The following ITPRID2 variants were observed in gnomAD, a reference collection of about 807,000 sequenced individuals.
ITPRID2 encodes ITPR interacting domain containing 2, also known as protein ITPRID2.
ITPRID2 carries 60 observed loss-of-function variants against 124.3 expected under a neutral mutation model. The observed-to-expected ratio is 0.48, with a 90% CI of 0.39 to 0.60. The LOEUF is 0.60. Ranked by LOEUF, ITPRID2 falls within the 20% of genes least tolerant of loss-of-function variation. The pLI is 0.00. For synonymous variants in ITPRID2, 521 were observed against 542.9 expected (o/e 0.96, Z 0.56); for missense variants, 1,553 against 1,512.2 (o/e 1.03, Z -0.45).
intron 8 of ITPRID2, among the ~76,000 whole-genome samples, chr2:181,906,775 A>T (rs949576525): frequency 6.6e-6 from 1 of 152,162 alleles, no homozygotes; most frequent in South Asian, 2.1e-4. Flanking sequence ...ACGGATATTT[A>T]TCGCAGATAA....
intron 2 of ITPRID2, chr2:181,893,036 AT>A: frequency 1.1e-5 from 3 of 272,934 alleles, no homozygotes; most frequent in Non-Finnish European, 2.1e-5. Context: ...GCACGGAATC[AT>A]TTTCCTTTCA....
chr2:181,898,802 A>T (rs2059702), intron 4 of ITPRID2, 78 bp from the exon 5 acceptor site: 56,797 of 1,003,724 alleles, frequency 0.057, 5,153 homozygotes, highest in African/African-American at 0.35. Flanking sequence ...GTAGGTAATT[A>T]GATTTCTTGA....
chr2:181,929,656 A>T lies in ITPRID2; in HGVS notation c.*109A>T. Reference sequence around the variant, plus strand: ...GTGCTTTAGAAGATACTTGCTGTTGAGCTGGGCTACTGTATACAGTGTACA... The same window carrying T: ...GTGCTTTAGAAGATACTTGCTGTTGTGCTGGGCTACTGTATACAGTGTACA... On this transcript the variant is annotated 3_prime_UTR_variant, in exon 18 of 18. Transcript: ENST00000431877. 6.2e-7 allele frequency: 1 copy of T among 1,606,966 alleles called. No homozygotes were observed. The highest frequency in any genetic ancestry group is 2.2e-5 in the East Asian group (1 of 44,680).
rs547920604 is a variant in ITPRID2, at chr2:181,929,989, C to G, written c.*442C>G. 6.2e-6 allele frequency: 1 copy of G among 161,420 alleles called. No individual in the cohort carries two copies. The highest frequency in any genetic ancestry group is 1.3e-5 in the Non-Finnish European group (1 of 74,152). 10.0% of individuals were successfully genotyped at this position (161,420 alleles called of 1,614,324 possible). ...GCTTGAAGCATCCAATGATTTTTCC[C>G]TCCACTGCTGTTAATTAATGTCACT... On this transcript the variant is annotated 3_prime_UTR_variant, in exon 18 of 18. Transcript: ENST00000431877.
chr2:181,926,952 A>G (rs1694913959), intron 16 of ITPRID2, among the ~76,000 whole-genome samples: 1 of 152,200 alleles, frequency 6.6e-6, no homozygotes, highest in Admixed American at 6.5e-5. Flanking sequence ...CTTGTTTGAA[A>G]AGTAAATCTG....
intron 16 of ITPRID2, among the ~76,000 whole-genome samples, chr2:181,927,548 C>T (rs1694952383): frequency 6.6e-6 from 1 of 152,094 alleles, no homozygotes; most frequent in South Asian, 2.1e-4. Flanking sequence ...AGATGGCTGG[C>T]AGTGATACCA....
At chr2:181,898,509 TATTC>T in intron 4 of ITPRID2, among the ~76,000 whole-genome samples, 1 of 152,194 alleles carries the variant, frequency 6.6e-6, no homozygotes, top group Middle Eastern at 3.4e-3. Context: ...CTTAAGATAT[TATTC>T]ATTAATAGCT....
Position 181,898,996 on chromosome 2 carries a change from A to G in ITPRID2, c.405-18A>G, listed in dbSNP as rs1168885206. The stretch of plus-strand genomic sequence containing the variant: ...AAATAAAGTTATAAAGTTTTATATA[A>G]TCTGATTTTGTTCGTAGCAATAATA... On this transcript the variant is annotated intron_variant, in intron 5 of 17. Transcript: ENST00000431877. 2 of 1,601,234 alleles carry G rather than the reference A, an allele frequency of 1.2e-6. No homozygotes were observed. Among genetic ancestry groups the G allele is most frequent in the Non-Finnish European group, 1.7e-6 (2 of 1,172,250 alleles).
intron 17 of ITPRID2, among the ~76,000 whole-genome samples, chr2:181,929,184 T>A (rs1313728057): frequency 6.6e-6 from 1 of 151,538 alleles, no homozygotes; most frequent in East Asian, 1.9e-4. Context: ...TAGCTCTAAC[T>A]TCATTTTATA....
At chr2:181,929,459 T>C (rs1695120288) in intron 17 of ITPRID2, 102 bp from the exon 18 acceptor site, 2 of 661,526 alleles carry the variant, frequency 3.0e-6, no homozygotes, top group Non-Finnish European at 5.1e-6. Context: ...ATCATGTTTC[T>C]GTGTATATAT....
At position 181,916,210 on chromosome 2, in the gene ITPRID2, C is replaced by T. The variant is rs1694032273; in HGVS notation, c.2570C>T (p.Pro857Leu). 1 of 1,614,160 alleles carries T rather than the reference C, an allele frequency of 6.2e-7. No homozygotes were observed. Among genetic ancestry groups the T allele is most frequent in the Non-Finnish European group, 8.5e-7 (1 of 1,180,036 alleles). The change falls in exon 11 of 18, where the codon CCC (proline) becomes CTC (leucine). Residue 857 changes from proline to leucine, a missense_variant. Coordinates refer to ENST00000431877, the MANE Select transcript of ITPRID2 (RefSeq NM_001130445.3). ...ATCCACTCTGAGTGGCAAGAAAGGC[C>T]CCTGTGTGAGCACACAAGAACTCTG... is the stretch of plus-strand genomic sequence containing the variant. Reference protein sequence around the residue: ...HSIHSEWQERPLCEHTRTLST... With the variant: ...HSIHSEWQERLLCEHTRTLST...
intron 8 of ITPRID2, among the ~76,000 whole-genome samples, chr2:181,904,723 A>T (rs1207599631): frequency 1.3e-5 from 2 of 152,228 alleles, no homozygotes; most frequent in African/African-American, 4.8e-5. Context: ...TGTCTCAGTA[A>T]ATCAGTTCTC....
rs779882988 is a variant in ITPRID2 at position 181,916,096 on chromosome 2, G to A, written c.2456G>A (p.Arg819Gln). 9.9e-6 allele frequency: 16 copies of A among 1,614,176 alleles called. No individual in the cohort carries two copies. Among genetic ancestry groups the A allele is most frequent in the Non-Finnish European group, 1.4e-5 (16 of 1,180,034 alleles). ...KEEAPQSEAP[R>Q]VEECHHGRTP... ...GAAGCCCCCCAGAGTGAGGCGCCGC[G>A]GGTGGAGGAATGCCATCATGGAAGG... Residue 819 changes from arginine to glutamine, a missense_variant, in exon 11 of 18, where the codon CGG becomes CAG. Transcript: ENST00000431877.
At position 181,915,207 on chromosome 2, in the gene ITPRID2, T is replaced by C; in HGVS notation, c.1576-9T>C. 1 of 1,605,902 alleles carries C rather than the reference T, an allele frequency of 6.2e-7. No individual in the cohort carries two copies. Among genetic ancestry groups the C allele is most frequent in the Non-Finnish European group, 8.5e-7 (1 of 1,176,206 alleles). ...ATTCTTCATCTTTCCACCTATTTTCTTTTCACAGGTTCAGGAGTCCTTGCA... is the reference window on the plus strand; with the variant it reads ...ATTCTTCATCTTTCCACCTATTTTCCTTTCACAGGTTCAGGAGTCCTTGCA... On this transcript the variant is annotated splice_polypyrimidine_tract_variant and intron_variant, in intron 10 of 17. Coordinates refer to ENST00000431877, the MANE Select transcript of ITPRID2 (RefSeq NM_001130445.3).
chr2:181,909,512 A>G (rs1397344517), intron 8 of ITPRID2, among the ~76,000 whole-genome samples: 1 of 152,052 alleles, frequency 6.6e-6, no homozygotes. Flanking sequence ...TTTTTTTTGA[A>G]TGAAGCAGTT....
In ITPRID2 at chr2:181,915,178, A is replaced by G. The variant is rs772966338; in HGVS notation, c.1576-38A>G. On this transcript the variant is annotated intron_variant, in intron 10 of 17. Transcript: ENST00000431877. ...GTATTTTGTTAGTGACTCTTCTTAC[A>G]TATATTCTTCATCTTTCCACCTATT... The G allele has an allele frequency of 1.1e-5, 17 of 1,586,114 alleles. No homozygotes were observed. In the Admixed American group the frequency reaches 2.1e-4, roughly 20 times the overall value.
Position 181,922,171 on chromosome 2 carries a change from G to T in ITPRID2, c.3434G>T (p.Arg1145Met). The T allele has an allele frequency of 6.2e-7, 1 of 1,614,268 alleles. No individual in the cohort carries two copies. Among genetic ancestry groups the T allele is most frequent in the Non-Finnish European group, 8.5e-7 (1 of 1,180,054 alleles). ...VGKSKTPLVA[R>M]KKVFRASVAL... ...AAATCCAAAACCCCATTAGTGGCAAGGAAGAAAGTGTTCCGAGCATCGGTG... is the reference window on the plus strand; with the variant it reads ...AAATCCAAAACCCCATTAGTGGCAATGAAGAAAGTGTTCCGAGCATCGGTG... The change falls in exon 16 of 18, where the codon AGG becomes ATG. Residue 1145 changes from arginine (R) to methionine (M), a missense_variant. Arg to Met is a moderately conservative substitution (Grantham distance 91). Transcript: ENST00000431877.
rs761125576 is a variant in ITPRID2, at chr2:181,902,369, A to C, written c.1316A>C (p.His439Pro). Reference sequence around the variant, plus strand: ...AATAGCAGTGAGCTGAAAAGTGTCCATATATCCACACCTGAAAAAGAGCCT... The same window carrying C: ...AATAGCAGTGAGCTGAAAAGTGTCCCTATATCCACACCTGAAAAAGAGCCT... ...LENSSELKSV[H>P]ISTPEKEPCA... Residue 439 changes from histidine to proline, a missense_variant, in exon 8 of 18, where the codon CAT (histidine) becomes CCT (proline). Coordinates refer to ENST00000431877, the MANE Select transcript of ITPRID2 (RefSeq NM_001130445.3). The surrounding 1 kb of genome is among the most constrained non-coding windows in gnomAD (Gnocchi z 4.4). 6 of 1,613,968 alleles carry C rather than the reference A, an allele frequency of 3.7e-6. No homozygotes were observed. The highest frequency in any genetic ancestry group is 5.1e-6 in the Non-Finnish European group (6 of 1,179,888).
At chr2:181,899,713 A>T (rs1395017444) in intron 6 of ITPRID2, among the ~76,000 whole-genome samples, 4 of 152,132 alleles carry the variant, frequency 2.6e-5, no homozygotes, top group African/African-American at 9.7e-5. Context: ...GTATGGTGGG[A>T]TCCACCTGTA....
Sources: gnomAD v4.1 joint callset for allele counts (sites outside exome capture counted in the v4.1 genomes callset) on GRCh38, gnomAD v4.1.1 for gene constraint, Gnocchi (gnomAD v3.1) non-coding constraint, MANE v1.5 for transcripts, NCBI Gene and HGNC (gene_info 2026-07-23, HGNC 2026-07-21) for gene names.